Variants in TMC1 observed in about 807,000 individuals in gnomAD.
The protein encoded by TMC1 is transmembrane channel-like protein 1.
In TMC1, 84 loss-of-function variants were observed where a neutral mutation model predicts 105.8. The observed-to-expected ratio is 0.79, with a 90% CI of 0.67 to 0.95. The LOEUF is 0.95. TMC1 is among the 40% of genes least tolerant of loss of function. The pLI, the probability that TMC1 is intolerant of heterozygous loss-of-function variation, is 0.00. For missense variants in TMC1, 817 were observed against 914.1 expected (o/e 0.89, Z 1.37); for synonymous variants, 315 against 311.5 (o/e 1.01, Z -0.12).
At chr9:72,573,406 T>A (rs1402999225) in intron 1 of TMC1, among the ~76,000 whole-genome samples, 1 of 152,138 alleles carries the variant, frequency 6.6e-6, no homozygotes, top group Admixed American at 6.6e-5. Context: ...ATGCACAGCC[T>A]CAAAATCCAC....
Position 72,826,900 on chromosome 9 carries a change from GAGA to G in TMC1, c.2036_2038del (p.Glu679_Thr680delinsAla). 4 of 1,614,068 alleles carry G rather than the reference GAGA, an allele frequency of 2.5e-6. No individual in the cohort carries two copies. Among genetic ancestry groups the G allele is most frequent in the Non-Finnish European group, 3.4e-6 (4 of 1,179,948 alleles). On this transcript the variant is annotated inframe_deletion, in exon 21 of 24. Coordinates refer to ENST00000297784, the MANE Select transcript of TMC1 (RefSeq NM_138691.3). ...AAATAGAATGTTTGAAGTCATTGGA[GAGA>G]CCCTGGAGCACGATTTCCCAAGCTG...
At chr9:72,831,611 C>T (rs1358894173) in intron 23 of TMC1, among the ~76,000 whole-genome samples, 1 of 152,042 alleles carries the variant, frequency 6.6e-6, no homozygotes, top group Non-Finnish European at 1.5e-5. Context: ...CGACAGGCCC[C>T]GGTATGTGAT....
chr9:72,798,058 A>T (rs750141512), intron 17 of TMC1, among the ~76,000 whole-genome samples: 3 of 152,210 alleles, frequency 2.0e-5, no homozygotes, highest in Non-Finnish European at 4.4e-5. Flanking sequence ...TGGGCAAAGG[A>T]CATGAACAGA....
At chr9:72,689,740 C>T (rs1826434626) in intron 6 of TMC1, among the ~76,000 whole-genome samples, 1 of 152,054 alleles carries the variant, frequency 6.6e-6, no homozygotes, top group South Asian at 2.1e-4. Flanking sequence ...CATATTTTGT[C>T]CGATGTAAGT....
chr9:72,610,311 AT>A (rs1825003110), intron 2 of TMC1, among the ~76,000 whole-genome samples: 1 of 152,206 alleles, frequency 6.6e-6, no homozygotes, highest in Non-Finnish European at 1.5e-5. Flanking sequence ...ATTATAAGAA[AT>A]TGGCTCACAT....
Position 72,725,321 on chromosome 9 carries a change from GTATGTATATATATA to G in TMC1, c.363-14794_363-14781del, listed in dbSNP as rs1451878559. On this transcript the variant is annotated intron_variant, in intron 8 of 23. Coordinates refer to ENST00000297784, the MANE Select transcript of TMC1 (RefSeq NM_138691.3). ...ACCCCCACACACACATTTTATGTGT[GTATGTATATATATA>G]TATATATATATATATATATATATAT... Among the ~76,000 whole-genome samples the G allele has an allele frequency of 1.1e-3, 39 of 34,886 alleles. 1 individual carries two copies. The highest frequency in any genetic ancestry group is 5.1e-3 in the African/African-American group (39 of 7,666). 22.9% of individuals were successfully genotyped at this position (34,886 alleles called of 152,430 possible).
At chr9:72,778,907 C>T (rs1485253240) in intron 13 of TMC1, among the ~76,000 whole-genome samples, 4 of 152,212 alleles carry the variant, frequency 2.6e-5, no homozygotes, top group South Asian at 4.1e-4. Flanking sequence ...CCGCACACAA[C>T]CACCTGCAGC....
At chr9:72,753,365 G>A (rs958496879) in intron 11 of TMC1, among the ~76,000 whole-genome samples, 23 of 135,622 alleles carry the variant, frequency 1.7e-4, no homozygotes, top group African/African-American at 6.3e-4. Flanking sequence ...CTACTATGAC[G>A]TTACTTAGTG....
In TMC1 at chr9:72,814,768, G is replaced by A. The variant is rs1161155430; in HGVS notation, c.1696-1375G>A. Among the ~76,000 whole-genome samples, 7 of 152,278 alleles carry A rather than the reference G, an allele frequency of 4.6e-5. No homozygotes were observed. The East Asian group carries it at 9.6e-4, about 21-fold the overall frequency. On this transcript the variant is annotated intron_variant, in intron 18 of 23. Coordinates refer to ENST00000297784, the MANE Select transcript of TMC1 (RefSeq NM_138691.3). ...TGAGGCCTGGATTCATGAGACTCTT[G>A]AGGCCAAGCATTTGAAAATTGAGAA...
intron 2 of TMC1, among the ~76,000 whole-genome samples, chr9:72,584,816 G>A (rs987183786): frequency 7.5e-5 from 10 of 133,192 alleles, no homozygotes; most frequent in African/African-American, 2.6e-4. Context: ...ACAGGGTCTC[G>A]CTTCGTTGCC....
intron 12 of TMC1, 120 bp downstream of exon 12, chr9:72,755,004 G>A (rs1177568686): frequency 1.6e-5 from 8 of 489,296 alleles, no homozygotes; most frequent in East Asian, 6.3e-5. Context: ...AGACGTCCCT[G>A]CTCCCTTTAA....
chr9:72,634,838 G>A (rs567591954), intron 4 of TMC1, among the ~76,000 whole-genome samples: 7 of 152,320 alleles, frequency 4.6e-5, no homozygotes, highest in Non-Finnish European at 8.8e-5. Flanking sequence ...TACAACTCAG[G>A]AAGAGCCAGA....
intron 8 of TMC1, among the ~76,000 whole-genome samples, chr9:72,702,643 C>G (rs1262667775): frequency 1.3e-5 from 2 of 151,910 alleles, no homozygotes; most frequent in Middle Eastern, 6.8e-3. Flanking sequence ...GGGAGCAGAC[C>G]TAGTCACAAT....
intron 12 of TMC1, among the ~76,000 whole-genome samples, chr9:72,764,454 A>T (rs1827800912): frequency 6.6e-6 from 1 of 152,184 alleles, no homozygotes; most frequent in Non-Finnish European, 1.5e-5. Context: ...TTATACATAA[A>T]AGCTCATTTT....
At chr9:72,740,294 T>G (rs538311530) in intron 9 of TMC1, 85 bp downstream of exon 9, 2 of 1,181,324 alleles carry the variant, frequency 1.7e-6, no homozygotes, top group East Asian at 2.4e-5. Context: ...GAAAAAAATC[T>G]TACATTTTGT....
chr9:72,637,977 G>GA (rs1217498697), intron 4 of TMC1, among the ~76,000 whole-genome samples: 1 of 152,120 alleles, frequency 6.6e-6, no homozygotes, highest in Non-Finnish European at 1.5e-5. Context: ...GAAGTTTCTT[G>GA]AATTGCTGTA....
At chr9:72,815,456 T>A (rs192477971) in intron 18 of TMC1, among the ~76,000 whole-genome samples, 20 of 152,130 alleles carry the variant, frequency 1.3e-4, no homozygotes, top group African/African-American at 2.2e-4. Context: ...ATTGAAAAAA[T>A]TTTTAATATG....
At position 72,601,183 on chromosome 9, in the gene TMC1, C is replaced by CACACACACAG. The variant is rs1554714595; in HGVS notation, c.-305-15176_-305-15175insGACACACACA. On this transcript the variant is annotated intron_variant, in intron 2 of 23. Transcript: ENST00000297784. ...GACACTGTTTCTACACACACACACA[C>CACACACACAG]ACACACACACAGACACACACACACA... 4.6e-3 allele frequency among the ~76,000 whole-genome samples: 568 copies of CACACACACAG among 124,114 alleles called. 1 individual carries two copies. The highest frequency in any genetic ancestry group is 9.8e-3 in the African/African-American group (287 of 29,382). The allele number at this position is 124,114 out of a possible 152,430, so 81.4% of individuals were successfully genotyped here.
At chr9:72,728,484 A>G (rs572043932) in intron 8 of TMC1, among the ~76,000 whole-genome samples, 1 of 152,222 alleles carries the variant, frequency 6.6e-6, no homozygotes, top group East Asian at 1.9e-4. Context: ...CTTTTCTTGT[A>G]TCTGCTGCTT....
Sources: allele counts gnomAD v4.1 joint callset (sites outside exome capture counted in the v4.1 genomes callset), GRCh38; gene constraint gnomAD v4.1.1; transcripts MANE v1.5; gene names NCBI Gene and HGNC (gene_info 2026-07-23, HGNC 2026-07-21).